DOCK11: variants seen among roughly 807,000 people sequenced by gnomAD.
DOCK11 encodes the protein dedicator of cytokinesis protein 11.
Under a neutral mutation model 169.1 loss-of-function variants are expected in DOCK11, and 70 were observed. The ratio of observed to expected loss-of-function variants is 0.41; its 90% confidence interval spans 0.34 to 0.51. The LOEUF is 0.51. Ranked by LOEUF, DOCK11 falls within the 20% of genes least tolerant of loss-of-function variation. The probability of loss-of-function intolerance (pLI) is 0.10; values close to 1 mark genes in which losing one functional copy is unlikely to be tolerated. For synonymous variants in DOCK11, 529 were observed against 541.3 expected (o/e 0.98, Z 0.32); for missense variants, 1,166 against 1,538.8 (o/e 0.76, Z 4.05).
chrX:118,651,396 C>T (rs1192463370), intron 41 of DOCK11, among the ~76,000 whole-genome samples: 4 of 111,240 alleles, frequency 3.6e-5, no homozygotes, highest in African/African-American at 9.8e-5. Flanking sequence ...GAACCAAGAC[C>T]GTACCACTGC....
intron 23 of DOCK11, among the ~76,000 whole-genome samples, chrX:118,602,211 C>T (rs1195422035): frequency 2.8e-4 from 30 of 108,015 alleles, no homozygotes; most frequent in Non-Finnish European, 5.6e-4. Flanking sequence ...TGACAAGTCC[C>T]ATGTTCTTTC....
chrX:118,572,199 TA>T, intron 10 of DOCK11, 123 bp from the exon 11 acceptor site: 1 of 592,141 alleles, frequency 1.7e-6, no homozygotes, highest in Non-Finnish European at 2.6e-6. Context: ...GATGAAAACA[TA>T]AAAAGGGTTC....
At chrX:118,660,247 C>T (rs911946388) in intron 44 of DOCK11, among the ~76,000 whole-genome samples, 6 of 112,018 alleles carry the variant, frequency 5.4e-5, no homozygotes, top group Non-Finnish European at 9.4e-5. Context: ...TTAACCATGT[C>T]ACTAAACACT....
intron 44 of DOCK11, among the ~76,000 whole-genome samples, chrX:118,657,935 AC>A (rs1247443730): frequency 9.0e-6 from 1 of 111,204 alleles, no homozygotes; most frequent in Non-Finnish European, 1.9e-5. Context: ...TATCCATGTA[AC>A]AAAAAATCAC....
intron 1 of DOCK11, among the ~76,000 whole-genome samples, chrX:118,508,724 A>T (rs1352038497): frequency 1.8e-5 from 2 of 111,850 alleles, no homozygotes; most frequent in Non-Finnish European, 3.8e-5. Flanking sequence ...TGCTAACTTG[A>T]CCCTGGGGAG....
At position 118,546,130 on chromosome X, in the gene DOCK11, A is replaced by ATTATATTAT. The variant is rs2147351719; in HGVS notation, c.558+16_558+24dup. 9.9e-7 allele frequency: 1 copy of ATTATATTAT among 1,008,399 alleles called. No homozygotes were observed. The highest frequency in any genetic ancestry group is 3.4e-5 in the East Asian group (1 of 29,044). The allele number at this position is 1,008,399 out of a possible 1,213,427, so 83.1% of individuals were successfully genotyped here. On this transcript the variant is annotated intron_variant, in intron 6 of 52. Coordinates refer to ENST00000276202, the MANE Select transcript of DOCK11 (RefSeq NM_144658.4). ...GTAACCATGAAGGTAGGAAGTAGTT[A>ATTATATTAT]TTATATTATTCCATCATTTTAATGA... is the stretch of plus-strand genomic sequence containing the variant.
At chrX:118,640,636 A>G (rs1009466700) in intron 38 of DOCK11, among the ~76,000 whole-genome samples, 1 of 112,278 alleles carries the variant, frequency 8.9e-6, no homozygotes, top group Non-Finnish European at 1.9e-5. Flanking sequence ...ATTATTTCCT[A>G]GTTACATCGC....
chrX:118,520,286 A>G (rs1328162688), intron 1 of DOCK11, among the ~76,000 whole-genome samples: 1 of 112,129 alleles, frequency 8.9e-6, no homozygotes, highest in East Asian at 2.8e-4. Flanking sequence ...TTCCTTGGGG[A>G]AATTCTTGCT....
At chrX:118,561,627 G>T in intron 7 of DOCK11, 110 bp downstream of exon 7, 1 of 792,510 alleles carries the variant, frequency 1.3e-6, no homozygotes, top group East Asian at 3.6e-5. Flanking sequence ...CCAGCACTTT[G>T]AGAGGCTGAG....
At chrX:118,663,877 G>A (rs1569445008) in intron 45 of DOCK11, among the ~76,000 whole-genome samples, 1 of 109,117 alleles carries the variant, frequency 9.2e-6, no homozygotes, top group Non-Finnish European at 1.9e-5. Flanking sequence ...GTTTCACCAT[G>A]TTGGCCAGGA....
rs111722222 is a variant in DOCK11, at chrX:118,641,598, A to G, written c.4260+293A>G. Among the ~76,000 whole-genome samples the G allele has an allele frequency of 4.3e-3, 482 of 111,348 alleles. 2 individuals carry two copies. Among genetic ancestry groups the G allele is most frequent in the African/African-American group, 0.015 (455 of 30,638 alleles). On this transcript the variant is annotated intron_variant, in intron 39 of 52. Coordinates refer to ENST00000276202, the MANE Select transcript of DOCK11 (RefSeq NM_144658.4). ...GTTTCCATACTTTAAGTAGCCAGCAATTTTTAGCCCAAAATATGATTGGAT... is the reference window on the plus strand; with the variant it reads ...GTTTCCATACTTTAAGTAGCCAGCAGTTTTTAGCCCAAAATATGATTGGAT...
In DOCK11 at chrX:118,639,512, C is replaced by T; in HGVS notation, c.4079C>T (p.Ser1360Leu). The part of the protein sequence containing the change: ...SQTMPALRNR[S>L]GVMQARLQHL... ...ACCATGCCTGCTCTTCGAAACAGAT[C>T]AGGAGTAATGCAGGCCCGGCTTCAG... is the stretch of plus-strand genomic sequence containing the variant. The change falls in exon 38 of 53, where the codon TCA (serine) becomes TTA (leucine). Residue 1360 changes from serine to leucine, a missense_variant. Transcript: ENST00000276202. 2 of 1,210,997 alleles carry T rather than the reference C, an allele frequency of 1.7e-6. No homozygotes were observed. The highest frequency in any genetic ancestry group is 2.2e-6 in the Non-Finnish European group (2 of 895,029).
At chrX:118,582,458 T>G (rs1181563564) in intron 14 of DOCK11, among the ~76,000 whole-genome samples, 2 of 111,496 alleles carry the variant, frequency 1.8e-5, no homozygotes, top group Admixed American at 9.6e-5. Context: ...AGTTAGAAGC[T>G]TTGATTTCCA....
intron 44 of DOCK11, among the ~76,000 whole-genome samples, chrX:118,660,106 G>A (rs756320082): frequency 5.4e-5 from 6 of 111,618 alleles, no homozygotes; most frequent in Non-Finnish European, 7.5e-5. Context: ...AAGTGGGATG[G>A]TTTCTTCTAC....
chrX:118,639,734 A>G (rs780641196), intron 38 of DOCK11, among the ~76,000 whole-genome samples, 157 bp downstream of exon 38: 79 of 112,149 alleles, frequency 7.0e-4, no homozygotes, highest in Non-Finnish European at 1.2e-3. Context: ...ATGTATGAAG[A>G]AAAGAAGTCC....
chrX:118,505,112 C>T (rs2057602285), intron 1 of DOCK11, among the ~76,000 whole-genome samples: 1 of 112,256 alleles, frequency 8.9e-6, no homozygotes, highest in African/African-American at 3.2e-5. Context: ...TAACCTCCGC[C>T]TCCTGGGTTC....
chrX:118,509,799 A>T (rs1569402981), intron 1 of DOCK11, among the ~76,000 whole-genome samples: 1 of 112,322 alleles, frequency 8.9e-6, no homozygotes. Context: ...AAAAAGCCTC[A>T]CTTCCTCCAG....
intron 6 of DOCK11, among the ~76,000 whole-genome samples, chrX:118,547,510 A>G (rs139783258): frequency 0.01 from 1,125 of 112,227 alleles, 17 homozygotes; most frequent in South Asian, 0.069. Flanking sequence ...TACGTACCAG[A>G]CACCATACTG....
intron 1 of DOCK11, among the ~76,000 whole-genome samples, chrX:118,525,823 GA>G (rs66726131): frequency 0.33 from 35,161 of 107,500 alleles, 4,242 homozygotes; most frequent in East Asian, 0.49. Context: ...AACAGAAAAG[GA>G]AAAAAAAAGA....
Sources: gnomAD v4.1 joint callset for allele counts (sites outside exome capture counted in the v4.1 genomes callset) on GRCh38, gnomAD v4.1.1 for gene constraint, MANE v1.5 for transcripts, NCBI Gene and HGNC (gene_info 2026-07-23, HGNC 2026-07-21) for gene names.